The following LCMT1 variants were observed in gnomAD, a reference collection of about 807,000 sequenced individuals.
LCMT1 encodes the protein leucine carboxyl methyltransferase 1.
Under a neutral mutation model 47.7 loss-of-function variants are expected in LCMT1, and 32 were observed. That is an observed-to-expected ratio of 0.67 (90% CI 0.51 to 0.90). The LOEUF (loss-of-function observed/expected upper bound fraction) is 0.90. Ranked by LOEUF, LCMT1 falls within the 40% of genes least tolerant of loss-of-function variation. The probability of loss-of-function intolerance (pLI) is 0.00; values close to 1 mark genes in which losing one functional copy is unlikely to be tolerated. For missense variants in LCMT1, 375 were observed against 415.2 expected, an observed-to-expected ratio of 0.90 and a Z score of 0.84; for synonymous variants, 152 against 149.7, an observed-to-expected ratio of 1.02 and a Z score of -0.11.
chr16:25,122,407 C>G (rs1208710111), intron 1 of LCMT1, among the ~76,000 whole-genome samples: 4 of 152,186 alleles, frequency 2.6e-5, no homozygotes, highest in African/African-American at 9.6e-5. Context: ...CCTGGTGGCT[C>G]AAGCGATCCT....
chr16:25,167,184 A>G (rs1325650899), intron 7 of LCMT1, among the ~76,000 whole-genome samples: 1 of 152,062 alleles, frequency 6.6e-6, no homozygotes, highest in African/African-American at 2.4e-5. Flanking sequence ...GCTCCCACCC[A>G]CCACCCTCAC....
chr16:25,174,681 G>C (rs1212087138), intron 9 of LCMT1: 1 of 229,200 alleles, frequency 4.4e-6, no homozygotes, highest in Non-Finnish European at 8.5e-6. Flanking sequence ...TATATAATAA[G>C]GAACTCAGCC....
At chr16:25,173,031 C>T (rs1961820665) in intron 9 of LCMT1, among the ~76,000 whole-genome samples, 1 of 152,232 alleles carries the variant, frequency 6.6e-6, no homozygotes, top group Non-Finnish European at 1.5e-5. Flanking sequence ...GATTGGAAGG[C>T]CTTTGTCTAT....
chr16:25,168,798 G>A (rs531179892), intron 7 of LCMT1, among the ~76,000 whole-genome samples: 3 of 152,270 alleles, frequency 2.0e-5, no homozygotes, highest in East Asian at 3.9e-4. Context: ...TATACCTAAT[G>A]CTGTGATAAA....
intron 1 of LCMT1, among the ~76,000 whole-genome samples, chr16:25,128,192 T>C (rs1960243921): frequency 6.6e-6 from 1 of 152,196 alleles, no homozygotes; most frequent in African/African-American, 2.4e-5. Flanking sequence ...GAAGTGAGGC[T>C]ATTTGCTATG....
intron 4 of LCMT1, among the ~76,000 whole-genome samples, chr16:25,150,650 T>G (rs1240115727): frequency 6.6e-6 from 1 of 152,086 alleles, no homozygotes; most frequent in Non-Finnish European, 1.5e-5. Context: ...GGCCCGCATC[T>G]TAATAGTTTT....
chr16:25,132,120 A>T, intron 2 of LCMT1: 1 of 482,618 alleles, frequency 2.1e-6, no homozygotes, highest in South Asian at 1.8e-5. Context: ...AGACGTTTCA[A>T]TGTAAAACAC....
intron 6 of LCMT1, among the ~76,000 whole-genome samples, chr16:25,164,366 A>T (rs543401913): frequency 1.3e-5 from 2 of 152,276 alleles, no homozygotes; most frequent in African/African-American, 4.8e-5. Flanking sequence ...CATGCTCAAC[A>T]TGTTTTCATT....
At chr16:25,136,001 G>C (rs1960492400) in intron 3 of LCMT1, among the ~76,000 whole-genome samples, 1 of 151,146 alleles carries the variant, frequency 6.6e-6, no homozygotes, top group African/African-American at 2.4e-5. Flanking sequence ...GGAGGTGGGA[G>C]GATCACCTGA....
At chr16:25,167,762 T>G (rs1237786114) in intron 7 of LCMT1, among the ~76,000 whole-genome samples, 2 of 152,104 alleles carry the variant, frequency 1.3e-5, no homozygotes, top group Admixed American at 1.3e-4. Flanking sequence ...ACTTATTTAT[T>G]TATTTATTTA....
Position 25,169,168 on chromosome 16 carries a change from G to A in LCMT1, c.747G>A (p.Gln249=). Residue 249 remains glutamine, a synonymous_variant, in exon 8 of 11, where the codon CAG becomes CAA. Coordinates refer to ENST00000399069, the MANE Select transcript of LCMT1 (RefSeq NM_016309.3). Reference sequence around the variant, plus strand: ...TGATTGAAAACCTGCGGAGACGCCAGTGTGACCTGGCGGGAGTGGAGACCT... The same window carrying A: ...TGATTGAAAACCTGCGGAGACGCCAATGTGACCTGGCGGGAGTGGAGACCT... The part of the protein sequence containing the change: ...QIMIENLRRR[Q]CDLAGVETCK... The A allele has an allele frequency of 2.5e-6, 4 of 1,613,696 alleles. No individual in the cohort carries two copies. Among genetic ancestry groups the A allele is most frequent in the Non-Finnish European group, 3.4e-6 (4 of 1,179,804 alleles).
chr16:25,151,758 G>A (rs1961090462), intron 5 of LCMT1, 143 bp downstream of exon 5: 5 of 584,212 alleles, frequency 8.6e-6, no homozygotes, highest in African/African-American at 3.9e-5. Flanking sequence ...GAAGAATGAC[G>A]AGGTTCATAA....
At chr16:25,139,552 C>T (rs1342387011) in intron 3 of LCMT1, among the ~76,000 whole-genome samples, 3 of 151,756 alleles carry the variant, frequency 2.0e-5, no homozygotes, top group East Asian at 3.9e-4. Context: ...GAAAATAATA[C>T]CCTTAATATA....
At chr16:25,138,525 GTGTGTGTGGTTGTGTGTGTGTGTA>G (rs1007543554) in intron 3 of LCMT1, among the ~76,000 whole-genome samples, 8 of 151,726 alleles carry the variant, frequency 5.3e-5, no homozygotes, top group African/African-American at 1.9e-4. Flanking sequence ...ATGTGCGTGT[GTGTGTGTGGTTGTGTGTGTGTGTA>G]TGTGTGTCTT....
chr16:25,140,867 A>G (rs1334766469), intron 4 of LCMT1: 3 of 152,412 alleles, frequency 2.0e-5, no homozygotes, highest in Admixed American at 6.5e-5. Context: ...AACTTTAAGT[A>G]GAAGGCATGG....
rs564777196 is a variant in LCMT1, at chr16:25,140,355, C to T, written c.404+108C>T. The T allele has an allele frequency of 1.6e-4, 130 of 829,924 alleles. No homozygotes were observed. In the Middle Eastern group the frequency reaches 2.9e-3, roughly 19 times the overall value. The allele number at this position is 829,924 out of a possible 1,614,324, so 51.4% of individuals were successfully genotyped here. ...GACTTCACTTTAGGGTGTTGCCTTC[C>T]GTTCACTGCCCCCCACCAACTTTTT... On this transcript the variant is annotated intron_variant, in intron 4 of 10. Coordinates refer to ENST00000399069, the MANE Select transcript of LCMT1 (RefSeq NM_016309.3).
chr16:25,116,668 C>G (rs1170969584), intron 1 of LCMT1, among the ~76,000 whole-genome samples: 1 of 148,892 alleles, frequency 6.7e-6, no homozygotes, highest in Non-Finnish European at 1.5e-5. Flanking sequence ...ATCACTTGAG[C>G]TCAGGAGTTC....
intron 4 of LCMT1, chr16:25,144,015 T>C (rs1258960587): frequency 6.6e-6 from 1 of 152,256 alleles, no homozygotes; most frequent in African/African-American, 2.4e-5. Flanking sequence ...AACACATTGC[T>C]GGATTCCTAT....
At chr16:25,113,357 G>C (rs1335710172) in intron 1 of LCMT1, among the ~76,000 whole-genome samples, 2 of 152,210 alleles carry the variant, frequency 1.3e-5, no homozygotes, top group Non-Finnish European at 2.9e-5. Flanking sequence ...TAAACTTTCA[G>C]AGCATGGATT....
Sources: allele counts gnomAD v4.1 joint callset (sites outside exome capture counted in the v4.1 genomes callset), GRCh38; gene constraint gnomAD v4.1.1; transcripts MANE v1.5; gene names NCBI Gene and HGNC (gene_info 2026-07-23, HGNC 2026-07-21).